The following CNTNAP1 variants were observed in gnomAD, a reference collection of about 807,000 sequenced individuals.
The protein encoded by CNTNAP1 is contactin-associated protein 1.
Under a neutral mutation model 161.5 loss-of-function variants are expected in CNTNAP1, and 80 were observed. That is an observed-to-expected ratio of 0.50 (90% CI 0.41 to 0.60). CNTNAP1 has a LOEUF of 0.60. Ranked by LOEUF, CNTNAP1 falls within the 20% of genes least tolerant of loss-of-function variation. The pLI is 0.00. For missense variants in CNTNAP1, 1,464 were observed against 1,854.8 expected (o/e 0.79, Z 3.87); for synonymous variants, 695 against 733.1 (o/e 0.95, Z 0.84).
Position 42,688,479 on chromosome 17 carries a change from G to C in CNTNAP1, c.1324G>C (p.Gly442Arg), listed in dbSNP as rs1243893038. Residue 442 changes from glycine (G) to arginine (R), a missense_variant, in exon 9 of 24, where the codon GGC (glycine) becomes CGC (arginine). Gly to Arg is a moderately radical substitution (Grantham distance 125). Coordinates refer to ENST00000264638, the MANE Select transcript of CNTNAP1 (RefSeq NM_003632.3). ...TTGTCCAGGGTACCGACTGAATGACGGCTTTTGGCACGAGGTGAATTTTGT... is the reference window on the plus strand; with the variant it reads ...TTGTCCAGGGTACCGACTGAATGACCGCTTTTGGCACGAGGTGAATTTTGT... Reference protein sequence around the residue: ...QFAAGYRLNDGFWHEVNFVAQ... With the variant: ...QFAAGYRLNDRFWHEVNFVAQ... 4 of 1,614,168 alleles carry C rather than the reference G, an allele frequency of 2.5e-6. No homozygotes were observed. In the South Asian group the frequency reaches 3.3e-5, roughly 13 times the overall value.
At position 42,685,823 on chromosome 17, in the gene CNTNAP1, A is replaced by G. The variant is rs2052998596; in HGVS notation, c.716-134A>G. 1.1e-6 allele frequency: 1 copy of G among 898,552 alleles called. No individual in the cohort carries two copies. Among genetic ancestry groups the G allele is most frequent in the Admixed American group, 2.7e-5 (1 of 37,206 alleles). 55.7% of individuals were successfully genotyped at this position (898,552 alleles called of 1,614,324 possible). A position where few individuals can be genotyped will look rare whatever the true frequency, so the allele number is the denominator to read the frequency against. ...TGGCTTACCCTGTCACACACTCGCCAATGGCTGTTGATCTATTCGCCCACT... is the reference window on the plus strand; with the variant it reads ...TGGCTTACCCTGTCACACACTCGCCGATGGCTGTTGATCTATTCGCCCACT... On this transcript the variant is annotated intron_variant, in intron 5 of 23. Coordinates refer to ENST00000264638, the MANE Select transcript of CNTNAP1 (RefSeq NM_003632.3). The surrounding 1 kb of genome is among the most constrained non-coding windows in gnomAD (Gnocchi z 5.0).
rs2053202628 is a variant in CNTNAP1, at chr17:42,699,716, T to C, written c.*806T>C. ...TTTACCCAGGAGGTCATATTCTTTATATATATTTTTTGTTGCAAAGTGTCT... is the reference window on the plus strand; with the variant it reads ...TTTACCCAGGAGGTCATATTCTTTACATATATTTTTTGTTGCAAAGTGTCT... On this transcript the variant is annotated 3_prime_UTR_variant, in exon 24 of 24. Transcript: ENST00000264638. The C allele has an allele frequency of 6.5e-6, 1 of 152,758 alleles. No homozygotes were observed. Among genetic ancestry groups the C allele is most frequent in the Non-Finnish European group, 1.5e-5 (1 of 68,054 alleles). The allele number at this position is 152,758 out of a possible 1,614,324, so 9.5% of individuals were successfully genotyped here.
At position 42,697,760 on chromosome 17, in the gene CNTNAP1, G is replaced by A; in HGVS notation, c.3775G>A (p.Glu1259Lys). 1 of 1,614,166 alleles carries A rather than the reference G, an allele frequency of 6.2e-7. No individual in the cohort carries two copies. Among genetic ancestry groups the A allele is most frequent in the Non-Finnish European group, 8.5e-7 (1 of 1,180,030 alleles). Residue 1259 changes from glutamate to lysine, a missense_variant, in exon 22 of 24, where the codon GAG becomes AAG. Physicochemically the swap from Glu to Lys is moderately conservative, Grantham distance 56. Transcript: ENST00000264638. The stretch of plus-strand genomic sequence containing the variant: ...CGGAGCTATGCCACGTCTTGTTTCA[G>A]AGGTGCCACCTGAGCTTGATCCCTG... ...NCGAMPRLVS[E>K]VPPELDPWYL...
rs1208567570 is a variant in CNTNAP1 at position 42,690,725 on chromosome 17, C to T, written c.1856-14C>T. The T allele has an allele frequency of 2.5e-6, 4 of 1,611,806 alleles. No homozygotes were observed. The Admixed American group carries it at 6.7e-5, about 27-fold the overall frequency. ...CCAACTCCAGCCAAAGCTCTGTCCC[C>T]TCTTGTCTGCCAGAGAACCGAGCGT... On this transcript the variant is annotated splice_polypyrimidine_tract_variant and intron_variant, in intron 12 of 23. Transcript: ENST00000264638.
At position 42,686,469 on chromosome 17, in the gene CNTNAP1, G is replaced by GTTTTTTTTTTTTTTT. The variant is rs748366958; in HGVS notation, c.900+338_900+352dup. Reference sequence around the variant, plus strand: ...CTTGCCACTCACCAGAAAAAGGCCTGTTTTTTTTTTTTTTTTTTTTTTTTG... The same window carrying GTTTTTTTTTTTTTTT: ...CTTGCCACTCACCAGAAAAAGGCCTGTTTTTTTTTTTTTTTTTTTTTTTTTTTTTTTTTTTTTTTG... On this transcript the variant is annotated intron_variant, in intron 6 of 23. Transcript: ENST00000264638. Among the ~76,000 whole-genome samples the GTTTTTTTTTTTTTTT allele has an allele frequency of 1.1e-3, 79 of 71,360 alleles. 8 individuals are homozygous for GTTTTTTTTTTTTTTT. Among genetic ancestry groups the GTTTTTTTTTTTTTTT allele is most frequent in the African/African-American group, 2.6e-3 (46 of 17,418 alleles). 46.8% of individuals were successfully genotyped at this position (71,360 alleles called of 152,430 possible).
chr17:42,693,896 G>A (rs1006477306), intron 18 of CNTNAP1, among the ~76,000 whole-genome samples: 4 of 151,696 alleles, frequency 2.6e-5, no homozygotes, highest in Non-Finnish European at 5.9e-5. Context: ...ATGGAATCTC[G>A]CTCTGTCACC....
Position 42,686,385 on chromosome 17 carries a change from T to A in CNTNAP1, c.900+244T>A, listed in dbSNP as rs3826426. 0.57 allele frequency among the ~76,000 whole-genome samples: 83,918 copies of A among 148,130 alleles called. 23,661 individuals carry two copies. Among genetic ancestry groups the A allele is most frequent in the South Asian group, 0.66 (3,090 of 4,702 alleles). On this transcript the variant is annotated intron_variant, in intron 6 of 23. Transcript: ENST00000264638. ...GACATCCTACCTCTATTTAAAAAAA[T>A]TTTTTTTTTCAAAGACCTCGCATTC...
At chr17:42,690,970 G>T in intron 13 of CNTNAP1, 28 bp downstream of exon 13, 1 of 1,612,488 alleles carries the variant, frequency 6.2e-7, no homozygotes. Context: ...GGAGGTGGCG[G>T]AACTGGAGGA....
intron 18 of CNTNAP1, 29 bp downstream of exon 18, chr17:42,693,565 G>A: frequency 6.2e-7 from 1 of 1,604,584 alleles, no homozygotes; most frequent in Non-Finnish European, 8.5e-7. Flanking sequence ...GGGGCAACAG[G>A]GAGCCATAGG....
Position 42,689,515 on chromosome 17 carries a change from C to T in CNTNAP1, c.1629-6C>T, listed in dbSNP as rs760009918. ...CTCCTTCCCTTGGTCCTGACCCCTT[C>T]CCTAGGTGCAGCCCTAACATGTGTG... On this transcript the variant is annotated splice_region_variant and splice_polypyrimidine_tract_variant and intron_variant, in intron 10 of 23. Coordinates refer to ENST00000264638, the MANE Select transcript of CNTNAP1 (RefSeq NM_003632.3). 1 of 1,611,706 alleles carries T rather than the reference C, an allele frequency of 6.2e-7. No homozygotes were observed. The highest frequency in any genetic ancestry group is 1.1e-5 in the South Asian group (1 of 90,872).
chr17:42,697,995 T>A (rs919435733), intron 23 of CNTNAP1, 45 bp downstream of exon 23: 1 of 1,606,974 alleles, frequency 6.2e-7, no homozygotes, highest in Non-Finnish European at 8.5e-7. Context: ...GACTACCCTC[T>A]GACTGTCAGC....
Position 42,682,556 on chromosome 17 carries a change from A to G in CNTNAP1, c.-274A>G, listed in dbSNP as rs1472893728. On this transcript the variant is annotated 5_prime_UTR_variant, in exon 1 of 24. Transcript: ENST00000264638. Reference sequence around the variant, plus strand: ...GAAACCGGCGCGTGCCAGGAGACAGAGGCTGGGGAAGGGGGGAGGTGAGAG... The same window carrying G: ...GAAACCGGCGCGTGCCAGGAGACAGGGGCTGGGGAAGGGGGGAGGTGAGAG... The G allele has an allele frequency of 2.6e-5, 13 of 497,436 alleles. No homozygotes were observed. Among genetic ancestry groups the G allele is most frequent in the Admixed American group, 3.8e-5 (1 of 26,544 alleles). 30.8% of individuals were successfully genotyped at this position (497,436 alleles called of 1,614,324 possible).
At position 42,697,300 on chromosome 17, in the gene CNTNAP1, G is replaced by T. The variant is rs1407769615; in HGVS notation, c.3501G>T (p.Gln1167His). The change falls in exon 21 of 24, where the codon CAG becomes CAT. Residue 1167 changes from glutamine (Q) to histidine (H), a missense_variant. By Grantham distance (24) the Gln-to-His change is conservative. Around this residue, in one of 3 missense-constraint regions of CNTNAP1, gnomAD observed 1,383 missense variants for 1,765.0 expected, o/e 0.78. Coordinates refer to ENST00000264638, the MANE Select transcript of CNTNAP1 (RefSeq NM_003632.3). ...TGGACTACTTCCCACTGACAGAGCA[G>T]AAGTTCTCGCTGTTGGTGGACAGCC... ...IQVDYFPLTE[Q>H]KFSLLVDSQL... 4.3e-6 allele frequency: 7 copies of T among 1,613,604 alleles called. No individual in the cohort carries two copies. The highest frequency in any genetic ancestry group is 5.9e-6 in the Non-Finnish European group (7 of 1,179,956).
chr17:42,686,469 G>GTGTTT, intron 6 of CNTNAP1, among the ~76,000 whole-genome samples: 1 of 71,364 alleles, frequency 1.4e-5, no homozygotes, highest in East Asian at 4.5e-4. Flanking sequence ...AAAAAGGCCT[G>GTGTTT]TTTTTTTTTT....
Position 42,692,689 on chromosome 17 carries a change from C to G in CNTNAP1, c.2721C>G (p.Ile907Met), listed in dbSNP as rs1432863250. 1 of 1,613,866 alleles carries G rather than the reference C, an allele frequency of 6.2e-7. No homozygotes were observed. Among genetic ancestry groups the G allele is most frequent in the South Asian group, 1.1e-5 (1 of 91,066 alleles). ...GGCCTATGCCACTGCAGACCTACATCTGGATGGAGTATGACCAGCCCCTCT... is the reference window on the plus strand; with the variant it reads ...GGCCTATGCCACTGCAGACCTACATGTGGATGGAGTATGACCAGCCCCTCT... ...VLRPMPLQTY[I>M]WMEYDQPLYV... is the part of the protein sequence containing the mutation. Residue 907 changes from isoleucine (I) to methionine (M), a missense_variant, in exon 17 of 24, where the codon ATC becomes ATG. Transcript: ENST00000264638.
At position 42,691,544 on chromosome 17, in the gene CNTNAP1, A is replaced by G; in HGVS notation, c.2344+33A>G. 1 of 1,611,376 alleles carries G rather than the reference A, an allele frequency of 6.2e-7. No homozygotes were observed. Among genetic ancestry groups the G allele is most frequent in the Non-Finnish European group, 8.5e-7 (1 of 1,178,812 alleles). On this transcript the variant is annotated intron_variant, in intron 15 of 23. Coordinates refer to ENST00000264638, the MANE Select transcript of CNTNAP1 (RefSeq NM_003632.3). The surrounding 1 kb of genome is among the most constrained non-coding windows in gnomAD (Gnocchi z 4.3). ...GCAGTCCCCTTTTGTGTGCCCTCCCAGAGCTGACTCTCCAGTTTCCAAAAT... is the reference window on the plus strand; with the variant it reads ...GCAGTCCCCTTTTGTGTGCCCTCCCGGAGCTGACTCTCCAGTTTCCAAAAT...
Position 42,690,799 on chromosome 17 carries a change from C to T in CNTNAP1, c.1916C>T (p.Ser639Phe), listed in dbSNP as rs1366914876. ...DRLWTTRVTG[S>F]SMERPFLGAI... is the part of the protein sequence containing the mutation. ...CTGTGGACAACTCGAGTGACAGGTT[C>T]CAGCATGGAGCGGCCATTCCTGGGG... The change falls in exon 13 of 24, where the codon TCC becomes TTC. Residue 639 changes from serine (S) to phenylalanine (F), a missense_variant. Physicochemically the swap from Ser to Phe is radical, Grantham distance 155 (BLOSUM62 -2). Around this residue, in one of 3 missense-constraint regions of CNTNAP1, gnomAD observed 1,383 missense variants for 1,765.0 expected, o/e 0.78. Transcript: ENST00000264638. 2 of 1,614,208 alleles carry T rather than the reference C, an allele frequency of 1.2e-6. No homozygotes were observed. The highest frequency in any genetic ancestry group is 8.5e-7 in the Non-Finnish European group (1 of 1,180,040).
In CNTNAP1 at chr17:42,697,738, A is replaced by C. The variant is rs141193977; in HGVS notation, c.3753A>C (p.Gly1251=). Residue 1251 remains glycine, a synonymous_variant, in exon 22 of 24, where the codon GGA becomes GGC. Coordinates refer to ENST00000264638, the MANE Select transcript of CNTNAP1 (RefSeq NM_003632.3). The part of the protein sequence containing the change: ...VQGELSESNC[G]AMPRLVSEVP... The stretch of plus-strand genomic sequence containing the variant: ...GAGAACTGTCCGAATCTAATTGCGG[A>C]GCTATGCCACGTCTTGTTTCAGAGG... 3 of 1,613,992 alleles carry C rather than the reference A, an allele frequency of 1.9e-6. No individual in the cohort carries two copies. Among genetic ancestry groups the C allele is most frequent in the Admixed American group, 1.7e-5 (1 of 59,990 alleles).
rs2053029073 is a variant in CNTNAP1 at position 42,687,165 on chromosome 17, C to G, written c.1044+119C>G. 1.4e-6 allele frequency: 2 copies of G among 1,406,488 alleles called. No homozygotes were observed. Among genetic ancestry groups the G allele is most frequent in the African/African-American group, 1.4e-5 (1 of 70,286 alleles). The allele number at this position is 1,406,488 out of a possible 1,614,324, so 87.1% of individuals were successfully genotyped here. On this transcript the variant is annotated intron_variant, in intron 7 of 23. Coordinates refer to ENST00000264638, the MANE Select transcript of CNTNAP1 (RefSeq NM_003632.3). This position sits in a 1 kb window ranked among gnomAD's most constrained non-coding sequence, Gnocchi z 4.7. ...AGCGGAGAATCCCTCTGTCCCCAGC[C>G]AGATGCTCAAGTTGGGAGGGGAGCG...
Sources: gnomAD v4.1 joint callset for allele counts (sites outside exome capture counted in the v4.1 genomes callset) on GRCh38, gnomAD v4.1.1 for gene constraint, gnomAD v4.1.1 regional missense constraint, Gnocchi (gnomAD v3.1) non-coding constraint, MANE v1.5 for transcripts, NCBI Gene and HGNC (gene_info 2026-07-23, HGNC 2026-07-21) for gene names.